TRAF6: variants seen among roughly 807,000 people sequenced by gnomAD.
The protein encoded by TRAF6 is TNF receptor-associated factor 6.
A neutral mutation model predicts 48.4 loss-of-function variants in TRAF6; 10 were observed. The observed-to-expected ratio is 0.21, with a 90% confidence interval of 0.13 to 0.35. TRAF6 has a LOEUF of 0.35. Among genes scored for constraint, TRAF6 ranks in the 10% least tolerant of loss-of-function variants. The pLI is 1.00. For synonymous variants in TRAF6, 186 were observed against 219.6 expected (o/e 0.85, Z 1.35); for missense variants, 397 against 661.0 (o/e 0.60, Z 4.38).
intron 1 of TRAF6, among the ~76,000 whole-genome samples, chr11:36,509,383 C>T (rs567904704): frequency 6.6e-6 from 1 of 151,802 alleles, no homozygotes; most frequent in South Asian, 2.1e-4. Context: ...CTCGAACTAC[C>T]GAGTTTAGGG....
intron 5 of TRAF6, among the ~76,000 whole-genome samples, chr11:36,494,085 C>T (rs1590636580): frequency 6.6e-6 from 1 of 152,098 alleles, no homozygotes; most frequent in Non-Finnish European, 1.5e-5. Context: ...AATCTTTGGG[C>T]TGGGCTTGGT....
chr11:36,495,475 G>T (rs1261210607), intron 4 of TRAF6, among the ~76,000 whole-genome samples: 1 of 152,132 alleles, frequency 6.6e-6, no homozygotes, highest in African/African-American at 2.4e-5. Flanking sequence ...TGAGGATTTG[G>T]TGCTCAGTTT....
chr11:36,505,396 T>C (rs977994560), intron 1 of TRAF6, among the ~76,000 whole-genome samples: 1 of 152,234 alleles, frequency 6.6e-6, no homozygotes, highest in Non-Finnish European at 1.5e-5. Flanking sequence ...GTTTCTTTCC[T>C]TAAACCTCAT....
intron 5 of TRAF6, among the ~76,000 whole-genome samples, chr11:36,493,253 A>AT (rs1160672168): frequency 6.6e-6 from 1 of 152,140 alleles, no homozygotes. Context: ...ACTCAATCAT[A>AT]TTTTTTCAAA....
At chr11:36,496,611 T>C (rs1429184852) in intron 4 of TRAF6, 1 of 153,052 alleles carries the variant, frequency 6.5e-6, no homozygotes, top group African/African-American at 2.4e-5. Context: ...GGATAAACTT[T>C]TAAATTTAAC....
At chr11:36,502,657 AG>A (rs1859733006) in intron 1 of TRAF6, among the ~76,000 whole-genome samples, 2 of 152,242 alleles carry the variant, frequency 1.3e-5, no homozygotes, top group South Asian at 4.1e-4. Context: ...TTCTTTTCAA[AG>A]ATTCTGAGTA....
intron 2 of TRAF6, 92 bp downstream of exon 2, chr11:36,501,128 A>G: frequency 7.9e-7 from 1 of 1,259,742 alleles, no homozygotes; most frequent in Non-Finnish European, 1.1e-6. Context: ...TTTATGTGTA[A>G]GACTACTTTT....
In TRAF6 at chr11:36,501,685, T is replaced by A. The variant is rs186650658; in HGVS notation, c.-22-148A>T. The A allele has an allele frequency of 1.2e-4, 61 of 528,840 alleles. No individual in the cohort carries two copies. In the East Asian group the frequency reaches 1.6e-3, roughly 14 times the overall value. 32.8% of individuals were successfully genotyped at this position (528,840 alleles called of 1,614,324 possible). A position where few individuals can be genotyped will look rare whatever the true frequency, so the allele number is the denominator to read the frequency against. On this transcript the variant is annotated intron_variant, in intron 1 of 6. Transcript: ENST00000526995. ...GTTATTTACAGAAAACTTTTAAAAG[T>A]GTTTTGAGCTTTTTCATGACTATTA...
At position 36,484,105 on chromosome 11, in the gene TRAF6, A is replaced by G. The variant is rs755350856; in HGVS notation, c.*5733T>C. Reference sequence around the variant, plus strand: ...TAAGTCAGCCCAGCAATTCAGTTGTATTGACCTGATGGAGGCCATCCGAGG... The same window carrying G: ...TAAGTCAGCCCAGCAATTCAGTTGTGTTGACCTGATGGAGGCCATCCGAGG... On this transcript the variant is annotated 3_prime_UTR_variant, in exon 7 of 7. Coordinates refer to ENST00000526995, the MANE Select transcript of TRAF6 (RefSeq NM_004620.4). 5.9e-5 allele frequency among the ~76,000 whole-genome samples: 9 copies of G among 152,210 alleles called. No homozygotes were observed. The highest frequency in any genetic ancestry group is 1.0e-4 in the Non-Finnish European group (7 of 68,034).
Position 36,487,113 on chromosome 11 carries a change from C to G in TRAF6, c.*2725G>C, listed in dbSNP as rs1242075358. On this transcript the variant is annotated 3_prime_UTR_variant, in exon 7 of 7. Coordinates refer to ENST00000526995, the MANE Select transcript of TRAF6 (RefSeq NM_004620.4). ...CAAAACAAAAAACAAAACAAAACAA[C>G]CTTTAGTTGAACATCTCCAGAAAAA... 6.6e-6 allele frequency: 1 copy of G among 152,052 alleles called. No homozygotes were observed. The highest frequency in any genetic ancestry group is 1.5e-5 in the Non-Finnish European group (1 of 68,002). 9.4% of individuals were successfully genotyped at this position (152,052 alleles called of 1,614,324 possible). A position where few individuals can be genotyped will look rare whatever the true frequency, so the allele number is the denominator to read the frequency against.
rs1477553370 is a variant in TRAF6 at position 36,488,536 on chromosome 11, C to G, written c.*1302G>C. The G allele has an allele frequency of 6.6e-6, 1 of 152,500 alleles. No individual in the cohort carries two copies. Among genetic ancestry groups the G allele is most frequent in the Non-Finnish European group, 1.5e-5 (1 of 68,012 alleles). The allele number at this position is 152,500 out of a possible 1,614,324, so 9.4% of individuals were successfully genotyped here. On this transcript the variant is annotated 3_prime_UTR_variant, in exon 7 of 7. Coordinates refer to ENST00000526995, the MANE Select transcript of TRAF6 (RefSeq NM_004620.4). The stretch of plus-strand genomic sequence containing the variant: ...GATGGATCTTTAGATCCTTTATAAG[C>G]TTATACTAGTTGCGGGTCTCCCTGA...
At chr11:36,495,097 G>A (rs772021883) in intron 4 of TRAF6, 50 bp from the exon 5 acceptor site, 1 of 1,409,264 alleles carries the variant, frequency 7.1e-7, no homozygotes, top group Non-Finnish European at 9.9e-7. Flanking sequence ...ATCTGAAAAA[G>A]TGAAAACAAC....
chr11:36,487,178 A>T lies in TRAF6; in HGVS notation c.*2660T>A, dbSNP rs1253308449. ...CTTTTTTAATTTAGCAATGTCCCAG[A>T]ATGATGCCAAAAGATAAATATGGTA... is the stretch of plus-strand genomic sequence containing the variant. On this transcript the variant is annotated 3_prime_UTR_variant, in exon 7 of 7. Transcript: ENST00000526995. 6.6e-6 allele frequency: 1 copy of T among 152,236 alleles called. No homozygotes were observed. The highest frequency in any genetic ancestry group is 2.4e-5 in the African/African-American group (1 of 41,472). 9.4% of individuals were successfully genotyped at this position (152,236 alleles called of 1,614,324 possible). A position where few individuals can be genotyped will look rare whatever the true frequency, so the allele number is the denominator to read the frequency against.
intron 2 of TRAF6, 86 bp downstream of exon 2, chr11:36,501,134 C>A: frequency 7.6e-7 from 1 of 1,321,674 alleles, no homozygotes; most frequent in Non-Finnish European, 1.0e-6. Flanking sequence ...TGTAAGACTA[C>A]TTTTGGGATG....
At chr11:36,503,763 C>T (rs1030172106) in intron 1 of TRAF6, among the ~76,000 whole-genome samples, 1 of 152,020 alleles carries the variant, frequency 6.6e-6, no homozygotes, top group East Asian at 1.9e-4. Context: ...GGTATAGGGC[C>T]CCCTTTATAC....
In TRAF6 at chr11:36,486,767, T is replaced by C. The variant is rs1590631113; in HGVS notation, c.*3071A>G. On this transcript the variant is annotated 3_prime_UTR_variant, in exon 7 of 7. Transcript: ENST00000526995. ...TCAGACTTGTTTGCCAACAGCAAAA[T>C]GTATGACGTGCAGCAAGTTTCATCC... Among the ~76,000 whole-genome samples, 1 of 152,246 alleles carries C rather than the reference T, an allele frequency of 6.6e-6. No individual in the cohort carries two copies. Among genetic ancestry groups the C allele is most frequent in the East Asian group, 1.9e-4 (1 of 5,182 alleles).
Position 36,484,803 on chromosome 11 carries a change from C to T in TRAF6, c.*5035G>A, listed in dbSNP as rs2133658761. Among the ~76,000 whole-genome samples the T allele has an allele frequency of 6.6e-6, 1 of 152,230 alleles. No individual in the cohort carries two copies. Among genetic ancestry groups the T allele is most frequent in the Non-Finnish European group, 1.5e-5 (1 of 68,006 alleles). On this transcript the variant is annotated 3_prime_UTR_variant, in exon 7 of 7. Coordinates refer to ENST00000526995, the MANE Select transcript of TRAF6 (RefSeq NM_004620.4). ...TCACCACAGAAATTAGATAATTTAT[C>T]AAGTGCAAAAAGAACACGAGAATAT...
intron 1 of TRAF6, among the ~76,000 whole-genome samples, chr11:36,504,753 T>C (rs1859762856): frequency 6.6e-6 from 1 of 152,230 alleles, no homozygotes. Context: ...ATGGCAGCTA[T>C]AGCCTTATGA....
rs1354996112 is a variant in TRAF6 at position 36,507,449 on chromosome 11, A to T, written c.-23+2599T>A. 7.0e-4 allele frequency among the ~76,000 whole-genome samples: 3 copies of T among 4,262 alleles called. 1 individual carries two copies. The highest frequency in any genetic ancestry group is 7.7e-4 in the African/African-American group (3 of 3,886). The allele number at this position is 4,262 out of a possible 152,430, so 2.8% of individuals were successfully genotyped here. On this transcript the variant is annotated intron_variant, in intron 1 of 6. Coordinates refer to ENST00000526995, the MANE Select transcript of TRAF6 (RefSeq NM_004620.4). Reference sequence around the variant, plus strand: ...TATATACATGTATTATACATACATAAATGTATATATATATACATGTATTAT... The same window carrying T: ...TATATACATGTATTATACATACATATATGTATATATATATACATGTATTAT...
Sources: gnomAD v4.1 joint callset for allele counts (sites outside exome capture counted in the v4.1 genomes callset) on GRCh38, gnomAD v4.1.1 for gene constraint, MANE v1.5 for transcripts, NCBI Gene and HGNC (gene_info 2026-07-23, HGNC 2026-07-21) for gene names.